ARRDC1: variants seen among roughly 807,000 people sequenced by gnomAD.
The protein encoded by ARRDC1 is arrestin domain containing 1, also known as arrestin domain-containing protein 1.
A neutral mutation model predicts 40.1 loss-of-function variants in ARRDC1; 37 were observed. The observed-to-expected ratio is 0.92, with a 90% CI of 0.71 to 1.21. ARRDC1 has a LOEUF of 1.21. Ranked by LOEUF, ARRDC1 falls within the 50% of genes most tolerant of loss-of-function variation. The pLI is 0.00. For missense variants in ARRDC1, 641 were observed against 581.9 expected (o/e 1.10, Z -1.04); for synonymous variants, 310 against 262.5 (o/e 1.18, Z -1.75).
At chr9:137,608,213 C>A (rs1423992599) in intron 1 of ARRDC1, among the ~76,000 whole-genome samples, 3 of 152,126 alleles carry the variant, frequency 2.0e-5, no homozygotes, top group Admixed American at 1.3e-4. Context: ...GATCTCCTGA[C>A]CTCGTGATCC....
intron 1 of ARRDC1, among the ~76,000 whole-genome samples, chr9:137,609,331 T>G (rs1385326362): frequency 6.6e-6 from 1 of 151,842 alleles, no homozygotes; most frequent in African/African-American, 2.4e-5. Context: ...GCCTCCCTGG[T>G]TCAAGTGATT....
rs757030540 is a variant in ARRDC1, at chr9:137,614,467, T to G, written c.787T>G (p.Tyr263Asp). The G allele has an allele frequency of 6.2e-7, 1 of 1,613,312 alleles. No homozygotes were observed. Among genetic ancestry groups the G allele is most frequent in the Admixed American group, 1.7e-5 (1 of 60,020 alleles). Residue 263 changes from tyrosine (Y) to aspartate (D), a missense_variant, in exon 6 of 8, where the codon TAC becomes GAC. Coordinates refer to ENST00000371421, the MANE Select transcript of ARRDC1 (RefSeq NM_152285.4). ...CTGCAGCCTCATCCACATCGACTAC[T>G]ACTTACAGGTTTGGTGCTGCTGGGG... ...PGCSLIHIDY[Y>D]LQVSLKAPEA...
chr9:137,608,123 C>G (rs766002989), intron 1 of ARRDC1, among the ~76,000 whole-genome samples: 1 of 152,164 alleles, frequency 6.6e-6, no homozygotes, highest in East Asian at 1.9e-4. Context: ...GCTGGGACTA[C>G]AGGCGCCCGC....
At chr9:137,612,802 T>A in intron 1 of ARRDC1, 94 bp from the exon 2 acceptor site, 1 of 922,822 alleles carries the variant, frequency 1.1e-6, no homozygotes, top group Non-Finnish European at 1.7e-6. Context: ...GCCCAGGTGG[T>A]GCTGCTTGGC....
In ARRDC1 at chr9:137,613,265, C is replaced by G. The variant is rs74547997; in HGVS notation, c.230-195C>G. On this transcript the variant is annotated intron_variant, in intron 2 of 7. Coordinates refer to ENST00000371421, the MANE Select transcript of ARRDC1 (RefSeq NM_152285.4). ...ACCCTTGCCCCATTCCCAAACCACT[C>G]TCCTGTTCAAGCCAAGCTCTTATCC... 5 of 767,608 alleles carry G rather than the reference C, an allele frequency of 6.5e-6. No homozygotes were observed. In the South Asian group the frequency reaches 7.5e-5, roughly 12 times the overall value. 47.5% of individuals were successfully genotyped at this position (767,608 alleles called of 1,614,324 possible). A position where few individuals can be genotyped will look rare whatever the true frequency, so the allele number is the denominator to read the frequency against.
intron 5 of ARRDC1, 22 bp downstream of exon 5, chr9:137,614,236 C>A (rs368287069): frequency 8.9e-6 from 14 of 1,578,728 alleles, no homozygotes; most frequent in Non-Finnish European, 1.2e-5. Flanking sequence ...CGCCAGTTGC[C>A]TGGACCGGCC....
chr9:137,605,744 C>A lies in ARRDC1; in HGVS notation c.27C>A (p.Ile9=). 8 of 1,380,110 alleles carry A rather than the reference C, an allele frequency of 5.8e-6. No homozygotes were observed. Among genetic ancestry groups the A allele is most frequent in the Non-Finnish European group, 7.5e-6 (8 of 1,063,156 alleles). 85.5% of individuals were successfully genotyped at this position (1,380,110 alleles called of 1,614,324 possible). ...TGGGGCGAGTGCAGCTCTTCGAGATCAGCCTGAGCCACGGCCGCGTCGTCT... is the reference window on the plus strand; with the variant it reads ...TGGGGCGAGTGCAGCTCTTCGAGATAAGCCTGAGCCACGGCCGCGTCGTCT... MGRVQLFE[I]SLSHGRVVYS... is the part of the protein sequence containing the mutation. The change falls in exon 1 of 8, where the codon ATC becomes ATA. Residue 9 remains isoleucine (I), a synonymous_variant. Transcript: ENST00000371421.
At position 137,613,764 on chromosome 9, in the gene ARRDC1, A is replaced by G. The variant is rs770106063; in HGVS notation, c.430A>G (p.Ile144Val). 3 of 1,614,094 alleles carry G rather than the reference A, an allele frequency of 1.9e-6. No homozygotes were observed. The highest frequency in any genetic ancestry group is 2.2e-5 in the South Asian group (2 of 91,090). Residue 144 changes from isoleucine (I) to valine (V), a missense_variant, in exon 4 of 8, where the codon ATT becomes GTT. By Grantham distance (29) the Ile-to-Val change is conservative. Transcript: ENST00000371421. ...SPLNLNSIPD[I>V]EQPNVASATK... Reference sequence around the variant, plus strand: ...CTTGAACCTGAACAGCATCCCAGACATTGAGGTGAGGATGGCACAGTGACC... The same window carrying G: ...CTTGAACCTGAACAGCATCCCAGACGTTGAGGTGAGGATGGCACAGTGACC...
At chr9:137,614,523 C>G (rs747490324) in intron 6 of ARRDC1, 36 bp from the exon 7 acceptor site, 1 of 1,612,974 alleles carries the variant, frequency 6.2e-7, no homozygotes, top group Non-Finnish European at 8.5e-7. Context: ...GTGGCCTTGG[C>G]CCTGGCCCCT....
chr9:137,608,981 T>C (rs771772428), intron 1 of ARRDC1, among the ~76,000 whole-genome samples: 1 of 152,228 alleles, frequency 6.6e-6, no homozygotes, highest in African/African-American at 2.4e-5. Context: ...CAAGGGTCAG[T>C]TGCATACTGT....
intron 4 of ARRDC1, 74 bp downstream of exon 4, chr9:137,613,843 G>C: frequency 6.3e-7 from 1 of 1,584,816 alleles, no homozygotes; most frequent in Non-Finnish European, 8.6e-7. Context: ...GGCAGGCACT[G>C]CTTCATCCCA....
At position 137,615,199 on chromosome 9, in the gene ARRDC1, C is replaced by A; in HGVS notation, c.*61C>A. On this transcript the variant is annotated 3_prime_UTR_variant, in exon 8 of 8. Transcript: ENST00000371421. ...GCCCTGGGACTGGGGCGCCCAGGGC[C>A]TCGTGCCTTCTCTCTTGGCCTAGCC... 7.1e-7 allele frequency: 1 copy of A among 1,415,322 alleles called. No individual in the cohort carries two copies. The highest frequency in any genetic ancestry group is 9.4e-7 in the Non-Finnish European group (1 of 1,067,258). 87.7% of individuals were successfully genotyped at this position (1,415,322 alleles called of 1,614,324 possible). A position where few individuals can be genotyped will look rare whatever the true frequency, so the allele number is the denominator to read the frequency against.
intron 1 of ARRDC1, among the ~76,000 whole-genome samples, chr9:137,610,625 G>A (rs1227500147): frequency 2.0e-5 from 3 of 151,536 alleles, no homozygotes; most frequent in Non-Finnish European, 2.9e-5. Flanking sequence ...GTGCAGTGGC[G>A]CGATCTCGGC....
Position 137,613,628 on chromosome 9 carries a change from G to A in ARRDC1, c.294G>A (p.Thr98=), listed in dbSNP as rs553186451. Residue 98 remains threonine, a synonymous_variant, in exon 4 of 8, where the codon ACG becomes ACA. Coordinates refer to ENST00000371421, the MANE Select transcript of ARRDC1 (RefSeq NM_152285.4). ...CTCTCTCCCCAGCCACTGCACCCAC[G>A]TCCTTTGAGGGTCCTTTCGGGAAGA... ...FQFLLPATAP[T]SFEGPFGKIV... The A allele has an allele frequency of 6.1e-5, 99 of 1,614,232 alleles. No individual in the cohort carries two copies. The highest frequency in any genetic ancestry group is 5.2e-4 in the South Asian group (47 of 91,090).
rs199780031 is a variant in ARRDC1, at chr9:137,612,970, G to A, written c.193G>A (p.Gly65Ser). ...ANDTAWVVEE[G>S]YFNSSLSLAD... ...TGACACAGCGTGGGTAGTGGAGGAG[G>A]GTTACTTCAACAGTTCCCTGTCGCT... Residue 65 changes from glycine to serine, a missense_variant, in exon 2 of 8, where the codon GGT becomes AGT. Gly to Ser is a moderately conservative substitution (Grantham distance 56). Coordinates refer to ENST00000371421, the MANE Select transcript of ARRDC1 (RefSeq NM_152285.4). The A allele has an allele frequency of 1.4e-4, 233 of 1,614,046 alleles. No homozygotes were observed. Among genetic ancestry groups the A allele is most frequent in the Non-Finnish European group, 2.5e-6 (3 of 1,180,010 alleles).
intron 1 of ARRDC1, among the ~76,000 whole-genome samples, chr9:137,608,941 G>T (rs1437077322): frequency 6.6e-6 from 1 of 152,242 alleles, no homozygotes; most frequent in African/African-American, 2.4e-5. Context: ...GCGTTGGGAA[G>T]ATCACAGAAC....
At position 137,615,146 on chromosome 9, in the gene ARRDC1, C is replaced by G; in HGVS notation, c.*8C>G. On this transcript the variant is annotated 3_prime_UTR_variant, in exon 8 of 8. Coordinates refer to ENST00000371421, the MANE Select transcript of ARRDC1 (RefSeq NM_152285.4). ...CTGACCCCTGAGAGCTGACCCCGTG[C>G]TGCCTTCTCCAGGCAGGCCTGGCCT... 6.6e-7 allele frequency: 1 copy of G among 1,523,822 alleles called. No homozygotes were observed. The highest frequency in any genetic ancestry group is 2.3e-5 in the East Asian group (1 of 43,878). The allele number at this position is 1,523,822 out of a possible 1,614,324, so 94.4% of individuals were successfully genotyped here. A position where few individuals can be genotyped will look rare whatever the true frequency, so the allele number is the denominator to read the frequency against.
chr9:137,610,360 C>T (rs772702454), intron 1 of ARRDC1, among the ~76,000 whole-genome samples: 8 of 152,034 alleles, frequency 5.3e-5, no homozygotes, highest in Non-Finnish European at 8.8e-5. Context: ...GGACCACTGC[C>T]CCCTTTCCGG....
In ARRDC1 at chr9:137,609,963, G is replaced by A. The variant is rs867697734; in HGVS notation, c.119-2933G>A. On this transcript the variant is annotated intron_variant, in intron 1 of 7. Transcript: ENST00000371421. ...TGAGTAGCTGGGACTACAGGCGCCC[G>A]CCACCACACCCGGCTAATTTTTTGT... 3.9e-5 allele frequency among the ~76,000 whole-genome samples: 6 copies of A among 152,200 alleles called. No homozygotes were observed. In the Middle Eastern group the frequency reaches 0.01, roughly 259 times the overall value.
Sources: gnomAD v4.1 joint callset for allele counts (sites outside exome capture counted in the v4.1 genomes callset) on GRCh38, gnomAD v4.1.1 for gene constraint, MANE v1.5 for transcripts, NCBI Gene and HGNC (gene_info 2026-07-23, HGNC 2026-07-21) for gene names.